COL4A2: variants seen among roughly 807,000 people sequenced by gnomAD.
COL4A2 encodes the protein collagen type IV alpha 2 chain, also known as collagen alpha-2(IV) chain.
In COL4A2, 99 loss-of-function variants were observed where a neutral mutation model predicts 200.2. That is an observed-to-expected ratio of 0.49 (90% CI 0.42 to 0.58). The LOEUF is 0.58. Ranked by LOEUF, COL4A2 falls within the 20% of genes least tolerant of loss-of-function variation. The pLI is 0.00. For synonymous variants in COL4A2, 897 were observed against 900.6 expected, an observed-to-expected ratio of 1.00 and a Z score of 0.07; for missense variants, 1,950 against 2,314.1, an observed-to-expected ratio of 0.84 and a Z score of 3.23.
At chr13:110,329,268 A>G (rs1875792465) in intron 3 of COL4A2, among the ~76,000 whole-genome samples, 2 of 152,224 alleles carry the variant, frequency 1.3e-5, no homozygotes, top group South Asian at 4.1e-4. Flanking sequence ...AATCACTCTT[A>G]CATTCCCGGT....
rs191017103 is a variant in COL4A2, at chr13:110,359,078, C to T, written c.180+1526C>T. Among the ~76,000 whole-genome samples the T allele has an allele frequency of 1.4e-4, 21 of 152,300 alleles. No individual in the cohort carries two copies. In the East Asian group the frequency reaches 3.9e-3, roughly 28 times the overall value. ...ATATAGTTATACAAACTAGGGAGCA[C>T]TGGCAGTTGTATCATTGCTAACAAT... On this transcript the variant is annotated intron_variant, in intron 4 of 47. Transcript: ENST00000360467.
intron 6 of COL4A2, 76 bp from the exon 7 acceptor site, chr13:110,428,391 G>T (rs994065867): frequency 1.9e-5 from 16 of 835,166 alleles, no homozygotes; most frequent in Non-Finnish European, 2.9e-5. Context: ...GAGAATATAA[G>T]ACTGTTTTAT....
intron 25 of COL4A2, 64 bp downstream of exon 25, chr13:110,465,670 G>C (rs1882212725): frequency 7.1e-7 from 1 of 1,399,000 alleles, no homozygotes; most frequent in African/African-American, 1.4e-5. Context: ...TCCTTTGTCA[G>C]TGTAGACGTT....
rs553516356 is a variant in COL4A2 at position 110,324,595 on chromosome 13, G to A, written c.99+16472G>A. Among the ~76,000 whole-genome samples, 11 of 152,358 alleles carry A rather than the reference G, an allele frequency of 7.2e-5. No individual in the cohort carries two copies. The East Asian group carries it at 1.4e-3, about 19-fold the overall frequency. ...GAACGGATGCACGTTTGACTCAGCCGATTTGGATCAGGCAGGTCTGGGGCT... is the reference window on the plus strand; with the variant it reads ...GAACGGATGCACGTTTGACTCAGCCAATTTGGATCAGGCAGGTCTGGGGCT... On this transcript the variant is annotated intron_variant, in intron 3 of 47. Transcript: ENST00000360467.
intron 4 of COL4A2, among the ~76,000 whole-genome samples, chr13:110,388,098 G>T (rs1878835758): frequency 6.6e-6 from 1 of 152,218 alleles, no homozygotes; most frequent in Non-Finnish European, 1.5e-5. Flanking sequence ...GCCAAAAGTG[G>T]CCCAGAAGGC....
intron 3 of COL4A2, among the ~76,000 whole-genome samples, chr13:110,311,825 G>A (rs1037236659): frequency 1.3e-5 from 2 of 152,200 alleles, no homozygotes; most frequent in African/African-American, 4.8e-5. Context: ...AATAGACGTG[G>A]GTTCACGTAG....
At chr13:110,455,119 G>A (rs983614739) in intron 20 of COL4A2, among the ~76,000 whole-genome samples, 2 of 152,114 alleles carry the variant, frequency 1.3e-5, no homozygotes, top group Admixed American at 6.5e-5. Flanking sequence ...GATGGCACCC[G>A]TTGTTCCTTC....
At chr13:110,365,084 T>C (rs1258647089) in intron 4 of COL4A2, among the ~76,000 whole-genome samples, 1 of 152,196 alleles carries the variant, frequency 6.6e-6, no homozygotes, top group Non-Finnish European at 1.5e-5. Context: ...ACTGTGGCTA[T>C]GCATAATCCA....
At chr13:110,403,584 T>G (rs1879454462) in intron 4 of COL4A2, among the ~76,000 whole-genome samples, 1 of 152,202 alleles carries the variant, frequency 6.6e-6, no homozygotes, top group African/African-American at 2.4e-5. Flanking sequence ...TTAGGGAATC[T>G]CTAAGATGGT....
At chr13:110,462,250 G>A (rs1344574574) in intron 23 of COL4A2, 28 bp from the exon 24 acceptor site, 1 of 1,614,246 alleles carries the variant, frequency 6.2e-7, no homozygotes. Context: ...ACCTGCCTGG[G>A]CAGCTTCACA....
At chr13:110,387,140 A>G (rs758035178) in intron 4 of COL4A2, among the ~76,000 whole-genome samples, 1 of 152,118 alleles carries the variant, frequency 6.6e-6, no homozygotes, top group East Asian at 1.9e-4. Flanking sequence ...TCAGGAGGCT[A>G]AGGCAAGAGA....
intron 4 of COL4A2, among the ~76,000 whole-genome samples, chr13:110,380,592 A>G (rs1196413450): frequency 4.6e-5 from 7 of 152,184 alleles, no homozygotes; most frequent in African/African-American, 1.4e-4. Flanking sequence ...TATTCGGGCA[A>G]GAGGGCACTA....
intron 4 of COL4A2, among the ~76,000 whole-genome samples, chr13:110,392,259 A>G (rs1879015571): frequency 6.6e-6 from 1 of 152,254 alleles, no homozygotes; most frequent in African/African-American, 2.4e-5. Flanking sequence ...TGAAGAGTCT[A>G]AAGAACTGAT....
intron 3 of COL4A2, among the ~76,000 whole-genome samples, chr13:110,345,961 G>A (rs1566484826): frequency 6.6e-6 from 1 of 152,192 alleles, no homozygotes; most frequent in Non-Finnish European, 1.5e-5. Context: ...TCCACTTCAT[G>A]ATGACATCAA....
At position 110,478,310 on chromosome 13, in the gene COL4A2, C is replaced by A. The variant is rs1350872047; in HGVS notation, c.2587+146C>A. On this transcript the variant is annotated intron_variant, in intron 30 of 47. Transcript: ENST00000360467. ...GGTTCCCAAACCAGAACATGTATTTCACCTAATAAGGAGACACAAACAGCC... is the reference window on the plus strand; with the variant it reads ...GGTTCCCAAACCAGAACATGTATTTAACCTAATAAGGAGACACAAACAGCC... 4.4e-6 allele frequency: 3 copies of A among 682,418 alleles called. No individual in the cohort carries two copies. The African/African-American group carries it at 5.6e-5, about 13-fold the overall frequency. 42.3% of individuals were successfully genotyped at this position (682,418 alleles called of 1,614,324 possible). A position where few individuals can be genotyped will look rare whatever the true frequency, so the allele number is the denominator to read the frequency against.
At chr13:110,327,417 A>G (rs1163840779) in intron 3 of COL4A2, among the ~76,000 whole-genome samples, 2 of 152,108 alleles carry the variant, frequency 1.3e-5, no homozygotes, top group African/African-American at 4.8e-5. Flanking sequence ...CCAAAACACA[A>G]TCTGTGATAT....
Position 110,449,750 on chromosome 13 carries a change from G to T in COL4A2, c.1150G>T (p.Gly384Cys). ...AAGCCAGGGTGAGCCAGGAGACCCG[G>T]GCCTCCCAGGTCCCCCTGGCCTCTC... ...PGSQGEPGDPGLPGPPGLSIG... is the reference protein window; with the variant it reads ...PGSQGEPGDPCLPGPPGLSIG... Residue 384 changes from glycine (G) to cysteine (C), a missense_variant, in exon 19 of 48, where the codon GGC becomes TGC. Physicochemically the swap from Gly to Cys is radical, Grantham distance 159. This residue lies in a region of COL4A2 where 565 missense variants were observed against 593.5 expected (regional missense o/e 0.95). Transcript: ENST00000360467. 1 of 1,549,012 alleles carries T rather than the reference G, an allele frequency of 6.5e-7. No homozygotes were observed. Among genetic ancestry groups the T allele is most frequent in the African/African-American group, 1.4e-5 (1 of 72,972 alleles).
At chr13:110,381,252 C>G (rs1275867112) in intron 4 of COL4A2, among the ~76,000 whole-genome samples, 1 of 151,888 alleles carries the variant, frequency 6.6e-6, no homozygotes, top group Non-Finnish European at 1.5e-5. Context: ...CCCATGGGCT[C>G]TATCTCACAC....
intron 4 of COL4A2, among the ~76,000 whole-genome samples, chr13:110,385,547 T>TACA (rs1566505091): frequency 7.1e-5 from 10 of 140,962 alleles, no homozygotes; most frequent in Non-Finnish European, 1.3e-4. Flanking sequence ...AGGCCGTGGT[T>TACA]GCAGTGTGTG....
Sources: allele counts gnomAD v4.1 joint callset (sites outside exome capture counted in the v4.1 genomes callset), GRCh38; gene constraint gnomAD v4.1.1; regional missense constraint gnomAD v4.1.1; transcripts MANE v1.5; gene names NCBI Gene and HGNC (gene_info 2026-07-23, HGNC 2026-07-21).